Variants in SEMA3A observed in about 807,000 individuals in gnomAD.
SEMA3A encodes semaphorin-3A.
Under a neutral mutation model 97.9 loss-of-function variants are expected in SEMA3A, and 29 were observed. The ratio of observed to expected loss-of-function variants is 0.30; its 90% confidence interval spans 0.22 to 0.40. The LOEUF is 0.40. Among genes scored for constraint, SEMA3A ranks in the 10% least tolerant of loss-of-function variants. The pLI is 1.00. For missense variants in SEMA3A, 763 were observed against 951.3 expected, an observed-to-expected ratio of 0.80 and a Z score of 2.60; for synonymous variants, 321 against 323.7, an observed-to-expected ratio of 0.99 and a Z score of 0.09.
chr7:84,261,734 G>T (rs773606797), intron 3 of SEMA3A, among the ~76,000 whole-genome samples: 1 of 152,176 alleles, frequency 6.6e-6, no homozygotes, highest in African/African-American at 2.4e-5. Context: ...CGCCTGGCTC[G>T]CCCTTGGCAG....
chr7:84,400,099 G>A (rs1803859311), intron 1 of SEMA3A, among the ~76,000 whole-genome samples: 1 of 152,156 alleles, frequency 6.6e-6, no homozygotes, highest in South Asian at 2.1e-4. Context: ...GAAAATGGCT[G>A]CAGTGACCAC....
At chr7:84,024,258 G>C (rs1424417916) in intron 6 of SEMA3A, among the ~76,000 whole-genome samples, 2 of 151,950 alleles carry the variant, frequency 1.3e-5, no homozygotes, top group Non-Finnish European at 2.9e-5. Context: ...ATAACAACTT[G>C]GCTGGGCGCG....
At chr7:84,045,225 T>G (rs1464807911) in intron 6 of SEMA3A, among the ~76,000 whole-genome samples, 1 of 151,954 alleles carries the variant, frequency 6.6e-6, no homozygotes, top group Non-Finnish European at 1.5e-5. Context: ...GTGGCAGAAG[T>G]TCATAGAATG....
intron 3 of SEMA3A, among the ~76,000 whole-genome samples, chr7:84,238,493 A>G (rs953325501): frequency 1.3e-5 from 2 of 152,194 alleles, no homozygotes; most frequent in African/African-American, 4.8e-5. Context: ...CTTGTGGTTT[A>G]AAGAATGGAG....
intron 2 of SEMA3A, among the ~76,000 whole-genome samples, chr7:84,331,332 T>A (rs1172538131): frequency 6.6e-6 from 1 of 152,174 alleles, no homozygotes; most frequent in Admixed American, 6.6e-5. Flanking sequence ...AAGAGCCTTC[T>A]ACCTTAAACA....
intron 4 of SEMA3A, among the ~76,000 whole-genome samples, chr7:84,066,971 C>T (rs1793531192): frequency 6.6e-6 from 1 of 152,118 alleles, no homozygotes; most frequent in African/African-American, 2.4e-5. Flanking sequence ...CAAGTCAATC[C>T]TAAGCCAAAA....
intron 1 of SEMA3A, among the ~76,000 whole-genome samples, chr7:84,450,427 A>G (rs955493073): frequency 6.6e-6 from 1 of 152,174 alleles, no homozygotes; most frequent in Non-Finnish European, 1.5e-5. Context: ...CTCCCAGAAC[A>G]GGACCTTCTG....
chr7:84,478,283 C>T (rs1319822268), intron 1 of SEMA3A, among the ~76,000 whole-genome samples: 2 of 152,104 alleles, frequency 1.3e-5, no homozygotes, highest in Non-Finnish European at 2.9e-5. Flanking sequence ...CCCAGCCATC[C>T]TCCCACACTC....
chr7:84,220,176 C>A (rs1342815789), intron 3 of SEMA3A, among the ~76,000 whole-genome samples: 1 of 152,270 alleles, frequency 6.6e-6, no homozygotes, highest in South Asian at 2.1e-4. Flanking sequence ...GGAGTAGAAT[C>A]TATTTTAAGA....
At chr7:83,977,660 T>G (rs1271806318) in intron 14 of SEMA3A, among the ~76,000 whole-genome samples, 1 of 152,088 alleles carries the variant, frequency 6.6e-6, no homozygotes, top group African/African-American at 2.4e-5. Context: ...ATGAATGTTC[T>G]CTTTCTCTAA....
intron 15 of SEMA3A, among the ~76,000 whole-genome samples, chr7:83,965,790 C>T (rs1347192131): frequency 7.0e-6 from 1 of 142,866 alleles, no homozygotes; most frequent in Non-Finnish European, 1.5e-5. Context: ...ATGCCATTCT[C>T]CTGCCTCAGC....
At chr7:84,367,941 A>T (rs1802891279) in intron 2 of SEMA3A, among the ~76,000 whole-genome samples, 1 of 151,304 alleles carries the variant, frequency 6.6e-6, no homozygotes, top group African/African-American at 2.4e-5. Context: ...TGATGGACAC[A>T]TTCAGTAAAT....
chr7:84,144,768 A>G (rs1489089901), intron 1 of SEMA3A, among the ~76,000 whole-genome samples: 2 of 152,202 alleles, frequency 1.3e-5, no homozygotes, highest in African/African-American at 4.8e-5. Context: ...TAGAGCAGAC[A>G]TTCAAGAAAC....
intron 1 of SEMA3A, among the ~76,000 whole-genome samples, chr7:84,143,146 T>G (rs1796346882): frequency 6.6e-6 from 1 of 152,172 alleles, no homozygotes; most frequent in African/African-American, 2.4e-5. Context: ...TTTCCAGGTT[T>G]ACACCAACAA....
At position 84,401,725 on chromosome 7, in the gene SEMA3A, T is replaced by A. The variant is rs371983901; in HGVS notation, c.-245-29825A>T. Among the ~76,000 whole-genome samples the A allele has an allele frequency of 6.6e-5, 10 of 152,210 alleles. 2 individuals carry two copies. The highest frequency in any genetic ancestry group is 6.5e-5 in the Admixed American group (1 of 15,274). On this transcript the variant is annotated intron_variant, in intron 1 of 3. Coordinates refer to the SEMA3A transcript ENST00000424555. ...CTACACACATTTAAAGCCAAATGAT[T>A]TTTCAGAAATGCACCAAGAACATAT...
intron 1 of SEMA3A, among the ~76,000 whole-genome samples, chr7:84,396,756 T>G (rs1803745001): frequency 6.6e-6 from 1 of 151,914 alleles, no homozygotes; most frequent in South Asian, 2.1e-4. Context: ...AAAAATAATG[T>G]TTTTTTCTAA....
intron 1 of SEMA3A, among the ~76,000 whole-genome samples, chr7:84,482,735 T>C (rs1488054306): frequency 5.9e-5 from 9 of 152,200 alleles, no homozygotes. Context: ...TGCATCCTCT[T>C]ATAGCCTCTT....
At chr7:84,393,608 G>T (rs528899557) in intron 1 of SEMA3A, among the ~76,000 whole-genome samples, 1 of 152,226 alleles carries the variant, frequency 6.6e-6, no homozygotes, top group East Asian at 1.9e-4. Flanking sequence ...CTCCATGATT[G>T]TATTAGTTGT....
intron 1 of SEMA3A, among the ~76,000 whole-genome samples, chr7:84,424,844 T>C (rs1804736865): frequency 1.3e-5 from 1 of 79,600 alleles, no homozygotes; most frequent in South Asian, 5.1e-4. Flanking sequence ...AATATATATT[T>C]ATATATAAAT....
Sources: gnomAD v4.1 joint callset for allele counts (sites outside exome capture counted in the v4.1 genomes callset) on GRCh38, gnomAD v4.1.1 for gene constraint, MANE v1.5 for transcripts, NCBI Gene and HGNC (gene_info 2026-07-23, HGNC 2026-07-21) for gene names.